PLVAP: variants seen among roughly 807,000 people sequenced by gnomAD.
PLVAP encodes the protein plasmalemma vesicle-associated protein.
Under a neutral mutation model 43.1 loss-of-function variants are expected in PLVAP, and 34 were observed. That is an observed-to-expected ratio of 0.79 (90% confidence interval 0.60 to 1.05). The LOEUF is 1.05. Among genes scored for constraint, PLVAP ranks in the 50% least tolerant of loss-of-function variants. The pLI, the probability that PLVAP is intolerant of heterozygous loss-of-function variation, is 0.00. For missense variants in PLVAP, 574 were observed against 593.4 expected (o/e 0.97, Z 0.34); for synonymous variants, 241 against 237.3 (o/e 1.02, Z -0.14).
Position 17,365,885 on chromosome 19 carries a change from C to T in PLVAP, c.580G>A (p.Glu194Lys). 6.2e-7 allele frequency: 1 copy of T among 1,614,042 alleles called. No individual in the cohort carries two copies. Among genetic ancestry groups the T allele is most frequent in the South Asian group, 1.1e-5 (1 of 91,082 alleles). ...ESVLLNKRVAEEQLVECVKTR... is the reference protein window; with the variant it reads ...ESVLLNKRVAKEQLVECVKTR... The stretch of plus-strand genomic sequence containing the variant: ...TTCACGCATTCAACCAGCTGTTCCT[C>T]CGCCACGCGTTTGTTCAGCAGCACG... The change falls in exon 3 of 6, where the codon GAG (glutamate) becomes AAG (lysine). Residue 194 changes from glutamate (E) to lysine (K), a missense_variant. Coordinates refer to ENST00000252590, the MANE Select transcript of PLVAP (RefSeq NM_031310.3).
chr19:17,376,062 C>T (rs2074594100), intron 1 of PLVAP, among the ~76,000 whole-genome samples: 1 of 152,050 alleles, frequency 6.6e-6, no homozygotes, highest in East Asian at 1.9e-4. Context: ...TCCATAGTGC[C>T]AGCTACTCAA....
intron 1 of PLVAP, among the ~76,000 whole-genome samples, chr19:17,372,253 C>CA (rs1568377119): frequency 1.3e-5 from 2 of 150,380 alleles, no homozygotes; most frequent in Admixed American, 6.6e-5. Context: ...ACTAAAAATA[C>CA]AAAAAATTAG....
At chr19:17,375,661 C>T (rs919672328) in intron 1 of PLVAP, among the ~76,000 whole-genome samples, 1 of 151,954 alleles carries the variant, frequency 6.6e-6, no homozygotes, top group Non-Finnish European at 1.5e-5. Context: ...GTGGGTGGCT[C>T]ACTTGAGGTC....
intron 1 of PLVAP, among the ~76,000 whole-genome samples, chr19:17,367,663 A>G (rs2145724122): frequency 6.6e-6 from 1 of 152,288 alleles, no homozygotes; most frequent in East Asian, 1.9e-4. Flanking sequence ...TGCTGGGATT[A>G]CAGGCGTGAG....
rs759585750 is a variant in PLVAP, at chr19:17,377,095, C to T, written c.194G>A (p.Arg65His). ...STESNLQATE[R>H]RAEGLYSQLL... ...CTGACTGTATAGGCCCTCGGCTCGG[C>T]GCTCGGTGGCCTGCAGGTTGGACTC... The change falls in exon 1 of 6, where the codon CGC (arginine) becomes CAC (histidine). Residue 65 changes from arginine (R) to histidine (H), a missense_variant. Transcript: ENST00000252590. The T allele has an allele frequency of 8.7e-6, 14 of 1,614,000 alleles. No homozygotes were observed. Among genetic ancestry groups the T allele is most frequent in the African/African-American group, 2.7e-5 (2 of 74,900 alleles).
At chr19:17,358,113 G>C (rs1432632142) in intron 5 of PLVAP, among the ~76,000 whole-genome samples, 6 of 152,154 alleles carry the variant, frequency 3.9e-5, no homozygotes, top group African/African-American at 1.4e-4. Flanking sequence ...GTGTTTGCTT[G>C]GAGCGGGGAA....
rs35375080 is a variant in PLVAP, at chr19:17,375,880, CAA to C, written c.369+1038_369+1039del. 2.8e-3 allele frequency among the ~76,000 whole-genome samples: 378 copies of C among 132,814 alleles called. 2 individuals are homozygous for C. The highest frequency in any genetic ancestry group is 7.4e-3 in the African/African-American group (264 of 35,454). The allele number at this position is 132,814 out of a possible 152,430, so 87.1% of individuals were successfully genotyped here. ...TGGGTGACAGAGCGAGACTCCGTCT[CAA>C]AAAAAAAAAAAAAAATTGCCAGGTG... is the stretch of plus-strand genomic sequence containing the variant. On this transcript the variant is annotated intron_variant, in intron 1 of 5. Coordinates refer to ENST00000252590, the MANE Select transcript of PLVAP (RefSeq NM_031310.3).
At chr19:17,358,488 C>T (rs149055483) in intron 5 of PLVAP, among the ~76,000 whole-genome samples, 1 of 152,288 alleles carries the variant, frequency 6.6e-6, no homozygotes, top group East Asian at 1.9e-4. Context: ...CCTTCCTGAG[C>T]CTCGGGTCCT....
At chr19:17,370,232 T>C (rs1047165850) in intron 1 of PLVAP, among the ~76,000 whole-genome samples, 1 of 152,066 alleles carries the variant, frequency 6.6e-6, no homozygotes, top group African/African-American at 2.4e-5. Context: ...TTTGGGAAAG[T>C]CTGGCAGTTC....
rs370296613 is a variant in PLVAP at position 17,366,015 on chromosome 19, C to G, written c.467-17G>C. ...AGAGCAAGGCTAAGGAAAACAGGACCAGGAGACCCAGGAAGATTGGGGGCT... is the reference window on the plus strand; with the variant it reads ...AGAGCAAGGCTAAGGAAAACAGGACGAGGAGACCCAGGAAGATTGGGGGCT... On this transcript the variant is annotated splice_polypyrimidine_tract_variant and intron_variant, in intron 2 of 5. Transcript: ENST00000252590. 51 of 1,611,514 alleles carry G rather than the reference C, an allele frequency of 3.2e-5. No individual in the cohort carries two copies. In the East Asian group the frequency reaches 6.5e-4, roughly 20 times the overall value.
chr19:17,352,791 C>T (rs960647241), intron 5 of PLVAP, among the ~76,000 whole-genome samples: 2 of 152,154 alleles, frequency 1.3e-5, no homozygotes, highest in African/African-American at 4.8e-5. Context: ...CAAGGCAAGG[C>T]TTCGGTCTCC....
intron 1 of PLVAP, among the ~76,000 whole-genome samples, chr19:17,372,606 A>G (rs1414003455): frequency 2.7e-3 from 398 of 148,748 alleles, no homozygotes; most frequent in African/African-American, 5.5e-3. Flanking sequence ...ACAGGCGCCC[A>G]CCACCACACC....
intron 5 of PLVAP, among the ~76,000 whole-genome samples, chr19:17,353,517 C>T (rs1568372125): frequency 6.6e-6 from 1 of 152,142 alleles, no homozygotes; most frequent in Non-Finnish European, 1.5e-5. Context: ...TCCATCACTC[C>T]ACTCCAGCCA....
chr19:17,368,853 C>T (rs186511485), intron 1 of PLVAP, among the ~76,000 whole-genome samples: 81 of 152,200 alleles, frequency 5.3e-4, no homozygotes, highest in South Asian at 1.7e-3. Flanking sequence ...TGGTGGGCAC[C>T]CGTAATCTCA....
chr19:17,352,092 G>A lies in PLVAP; in HGVS notation c.*270C>T, dbSNP rs2074488135. On this transcript the variant is annotated 3_prime_UTR_variant, in exon 6 of 6. Coordinates refer to ENST00000252590, the MANE Select transcript of PLVAP (RefSeq NM_031310.3). ...CTCTTCGTGACGTCTACATGGCCAC[G>A]TGACGCCATCACCACGGTGATATGT... is the stretch of plus-strand genomic sequence containing the variant. 1 of 532,482 alleles carries A rather than the reference G, an allele frequency of 1.9e-6. No homozygotes were observed. The allele number at this position is 532,482 out of a possible 1,614,324, so 33.0% of individuals were successfully genotyped here. A position where few individuals can be genotyped will look rare whatever the true frequency, so the allele number is the denominator to read the frequency against.
rs73016432 is a variant in PLVAP, at chr19:17,364,416, G to C, written c.1179+870C>G. On this transcript the variant is annotated intron_variant, in intron 3 of 5. Transcript: ENST00000252590. ...GGGGTCTTGCTATGTTGCCCAGGCT[G>C]GTCTGAACTCCTGAGTTTAAGCTAT... is the stretch of plus-strand genomic sequence containing the variant. Among the ~76,000 whole-genome samples the C allele has an allele frequency of 1.3e-4, 20 of 152,094 alleles. No homozygotes were observed. The East Asian group carries it at 3.5e-3, about 26-fold the overall frequency.
intron 1 of PLVAP, among the ~76,000 whole-genome samples, chr19:17,373,063 CTCAAAAAAAA>C (rs1248033001): frequency 2.0e-3 from 75 of 37,598 alleles, no homozygotes; most frequent in African/African-American, 7.4e-3. Context: ...TAGACTCTGT[CTCAAAAAAAA>C]AAAAAAAAAA....
intron 5 of PLVAP, among the ~76,000 whole-genome samples, chr19:17,353,609 C>T (rs1287558257): frequency 6.6e-6 from 1 of 152,112 alleles, no homozygotes; most frequent in Non-Finnish European, 1.5e-5. Flanking sequence ...TCTGGTGCAC[C>T]CTTCCTGGGA....
chr19:17,374,822 G>GTATT (rs537546322), intron 1 of PLVAP, among the ~76,000 whole-genome samples: 5,606 of 146,826 alleles, frequency 0.038, 363 homozygotes, highest in East Asian at 0.28. Flanking sequence ...ATGTATGTAT[G>GTATT]TATGTATTTA....
Sources: gnomAD v4.1 joint callset for allele counts (sites outside exome capture counted in the v4.1 genomes callset) on GRCh38, gnomAD v4.1.1 for gene constraint, MANE v1.5 for transcripts, NCBI Gene and HGNC (gene_info 2026-07-23, HGNC 2026-07-21) for gene names.